The following FMNL2 variants were observed in gnomAD, a reference collection of about 807,000 sequenced individuals.
The protein encoded by FMNL2 is formin like 2, also known as formin-like protein 2.
FMNL2 carries 51 observed loss-of-function variants against 130.2 expected under a neutral mutation model. The observed-to-expected ratio is 0.39, with a 90% confidence interval of 0.31 to 0.49. FMNL2 has a LOEUF of 0.49. Among genes scored for constraint, FMNL2 ranks in the 20% least tolerant of loss-of-function variants. FMNL2 has a pLI of 0.85. For missense variants in FMNL2, 977 were observed against 1,316.2 expected (o/e 0.74, Z 3.99); for synonymous variants, 465 against 467.1 (o/e 1.00, Z 0.06).
chr2:152,548,422 C>G (rs144169110), intron 3 of FMNL2, among the ~76,000 whole-genome samples: 1 of 152,260 alleles, frequency 6.6e-6, no homozygotes, highest in Admixed American at 6.5e-5. Flanking sequence ...CTGAATGCCT[C>G]TTTTCCCTCT....
intron 1 of FMNL2, among the ~76,000 whole-genome samples, chr2:152,413,548 T>TC (rs1686438127): frequency 6.6e-6 from 1 of 152,082 alleles, no homozygotes; most frequent in Non-Finnish European, 1.5e-5. Context: ...GGGCAAGGAA[T>TC]GTGGGTAGGA....
At chr2:152,616,815 AGCCCCT>A (rs1236506427) in intron 12 of FMNL2, among the ~76,000 whole-genome samples, 1 of 152,142 alleles carries the variant, frequency 6.6e-6, no homozygotes, top group Non-Finnish European at 1.5e-5. Context: ...TACCCTTGCT[AGCCCCT>A]GCAGAAATGG....
chr2:152,375,877 C>CTCTCTCTCTATA (rs796954245), intron 1 of FMNL2, among the ~76,000 whole-genome samples: 49 of 112,484 alleles, frequency 4.4e-4, no homozygotes, highest in African/African-American at 1.5e-3. Flanking sequence ...CTCTCTCTCT[C>CTCTCTCTCTATA]TATATATATA....
intron 10 of FMNL2, among the ~76,000 whole-genome samples, chr2:152,608,523 C>CTA (rs1189984780): frequency 3.8e-4 from 56 of 147,632 alleles, no homozygotes; most frequent in South Asian, 6.4e-4. Context: ...GTGTGTGTGT[C>CTA]TATATATATA....
chr2:152,596,011 G>A (rs1051733484), intron 9 of FMNL2, among the ~76,000 whole-genome samples: 7 of 149,440 alleles, frequency 4.7e-5, no homozygotes, highest in Admixed American at 1.3e-4. Flanking sequence ...TGCCCAATCT[G>A]GAGTGCAGTG....
At chr2:152,604,193 T>C (rs942024303) in intron 9 of FMNL2, among the ~76,000 whole-genome samples, 1 of 150,982 alleles carries the variant, frequency 6.6e-6, no homozygotes, top group Non-Finnish European at 1.5e-5. Context: ...TAATGGAATA[T>C]GTTTATATGG....
chr2:152,342,015 A>G (rs1681839251), intron 1 of FMNL2, among the ~76,000 whole-genome samples: 1 of 152,228 alleles, frequency 6.6e-6, no homozygotes, highest in Non-Finnish European at 1.5e-5. Context: ...GGTTCTAGAC[A>G]TAGAATTATA....
intron 1 of FMNL2, among the ~76,000 whole-genome samples, chr2:152,440,111 C>T (rs951151042): frequency 6.6e-5 from 10 of 151,970 alleles, no homozygotes; most frequent in Admixed American, 6.6e-4. Flanking sequence ...GGCTTTACTG[C>T]ATGTTTATTA....
rs1553495369 is a variant in FMNL2 at position 152,646,582 on chromosome 2, C to CG, written c.3170-1208dup. 1.0e-4 allele frequency among the ~76,000 whole-genome samples: 7 copies of CG among 69,288 alleles called. No homozygotes were observed. The South Asian group carries it at 1.3e-3, about 13-fold the overall frequency. 45.5% of individuals were successfully genotyped at this position (69,288 alleles called of 152,430 possible). A position where few individuals can be genotyped will look rare whatever the true frequency, so the allele number is the denominator to read the frequency against. On this transcript the variant is annotated intron_variant, in intron 25 of 25. Transcript: ENST00000288670. Reference sequence around the variant, plus strand: ...TAAACACCAGGAAACTGTACATGTGCGGGGGGTGGGGGGGCACAGTGGAGC... The same window carrying CG: ...TAAACACCAGGAAACTGTACATGTGCGGGGGGGTGGGGGGGCACAGTGGAGC...
At chr2:152,464,023 C>T (rs1008132052) in intron 1 of FMNL2, among the ~76,000 whole-genome samples, 14 of 152,336 alleles carry the variant, frequency 9.2e-5, no homozygotes, top group South Asian at 2.1e-4. Flanking sequence ...ACCTCTGACT[C>T]GCAGGTTCAA....
At chr2:152,592,957 A>G (rs1697517500) in intron 9 of FMNL2, among the ~76,000 whole-genome samples, 2 of 152,214 alleles carry the variant, frequency 1.3e-5, no homozygotes, top group South Asian at 4.1e-4. Flanking sequence ...GGTAAAATTC[A>G]GAACAGACCA....
chr2:152,381,022 A>G (rs1482719033), intron 1 of FMNL2, among the ~76,000 whole-genome samples: 2 of 152,224 alleles, frequency 1.3e-5, no homozygotes, highest in East Asian at 3.9e-4. Flanking sequence ...GTGCCTAATA[A>G]GTAGAGTTTC....
intron 1 of FMNL2, among the ~76,000 whole-genome samples, chr2:152,507,992 T>C: frequency 6.6e-6 from 1 of 152,236 alleles, no homozygotes; most frequent in East Asian, 1.9e-4. Flanking sequence ...TACGATAATA[T>C]GGCTTTTGTG....
chr2:152,485,315 A>AC (rs1243184481), intron 1 of FMNL2, among the ~76,000 whole-genome samples: 6 of 152,112 alleles, frequency 3.9e-5, no homozygotes, highest in African/African-American at 1.4e-4. Context: ...ACATGATGAA[A>AC]CCCCGTCTCT....
intron 25 of FMNL2, chr2:152,643,317 C>A: frequency 2.0e-6 from 3 of 1,471,062 alleles, no homozygotes; most frequent in South Asian, 1.2e-5. Context: ...CCACCCCCAT[C>A]CCCAGGTATG....
chr2:152,479,290 C>T (rs916072154), intron 1 of FMNL2, among the ~76,000 whole-genome samples: 2 of 152,040 alleles, frequency 1.3e-5, no homozygotes, highest in African/African-American at 2.4e-5. Context: ...TACAGGCATG[C>T]ACCACCACAC....
chr2:152,394,287 G>A (rs1685278259), intron 1 of FMNL2, among the ~76,000 whole-genome samples: 1 of 151,992 alleles, frequency 6.6e-6, no homozygotes, highest in African/African-American at 2.4e-5. Context: ...TTATTCATGT[G>A]GAATCTAGTT....
intron 1 of FMNL2, among the ~76,000 whole-genome samples, chr2:152,503,534 G>A (rs1691977928): frequency 6.6e-6 from 1 of 152,114 alleles, no homozygotes; most frequent in Admixed American, 6.5e-5. Context: ...ATACACGGAT[G>A]TAGGAGAATG....
chr2:152,537,692 G>A (rs558478509), intron 2 of FMNL2, among the ~76,000 whole-genome samples: 2 of 152,326 alleles, frequency 1.3e-5, no homozygotes. Flanking sequence ...AAGATCAACT[G>A]TGTGCCAAGT....
Sources: gnomAD v4.1 joint callset for allele counts (sites outside exome capture counted in the v4.1 genomes callset) on GRCh38, gnomAD v4.1.1 for gene constraint, MANE v1.5 for transcripts, NCBI Gene and HGNC (gene_info 2026-07-23, HGNC 2026-07-21) for gene names.